The following PTPRD variants were observed in gnomAD, a reference collection of about 807,000 sequenced individuals.
PTPRD encodes the protein protein tyrosine phosphatase receptor type D, also known as receptor-type tyrosine-protein phosphatase delta.
A neutral mutation model predicts 214.5 loss-of-function variants in PTPRD; 34 were observed. That is an observed-to-expected ratio of 0.16 (90% CI 0.12 to 0.21). The LOEUF (loss-of-function observed/expected upper bound fraction) is 0.21, where lower values mean the gene tolerates loss of function less well. PTPRD is among the 10% of genes least tolerant of loss of function. The probability of loss-of-function intolerance (pLI) is 1.00; values close to 1 mark genes in which losing one functional copy is unlikely to be tolerated. For synonymous variants in PTPRD, 1,128 were observed against 845.7 expected, an observed-to-expected ratio of 1.33 and a Z score of -5.79; for missense variants, 2,545 against 2,398.7, an observed-to-expected ratio of 1.06 and a Z score of -1.27.
chr9:10,115,689 A>ATCTGTGTAGC (rs1294080612), intron 3 of PTPRD, among the ~76,000 whole-genome samples: 2 of 152,054 alleles, frequency 1.3e-5, no homozygotes, highest in Non-Finnish European at 2.9e-5. Context: ...TTCACTGTAA[A>ATCTGTGTAGC]TCTGTGTAGC....
chr9:8,950,353 C>T (rs1041123424), intron 11 of PTPRD, among the ~76,000 whole-genome samples: 1 of 151,886 alleles, frequency 6.6e-6, no homozygotes, highest in African/African-American at 2.4e-5. Flanking sequence ...CAACATATTC[C>T]TCACAATTGA....
At chr9:8,587,782 C>T (rs993957034) in intron 14 of PTPRD, among the ~76,000 whole-genome samples, 3 of 152,128 alleles carry the variant, frequency 2.0e-5, no homozygotes, top group African/African-American at 7.2e-5. Flanking sequence ...GAGGAAAACA[C>T]TTAGTAGGAA....
intron 2 of PTPRD, among the ~76,000 whole-genome samples, chr9:10,489,999 G>T (rs77622629): frequency 2.0e-5 from 3 of 152,080 alleles, no homozygotes; most frequent in Admixed American, 6.6e-5. Flanking sequence ...TTATGAAGGC[G>T]CATTGTTTTG....
intron 14 of PTPRD, among the ~76,000 whole-genome samples, chr9:8,538,615 ATG>A (rs1413561269): frequency 2.0e-5 from 3 of 151,372 alleles, no homozygotes; most frequent in Non-Finnish European, 4.4e-5. Context: ...TTAAATATAT[ATG>A]TACACACATA....
intron 3 of PTPRD, among the ~76,000 whole-genome samples, chr9:10,137,661 C>G (rs2098951866): frequency 1.4e-5 from 1 of 73,328 alleles, no homozygotes; most frequent in Admixed American, 1.6e-4. Context: ...TGTAACTAAC[C>G]TGCACAATGT....
intron 3 of PTPRD, among the ~76,000 whole-genome samples, chr9:10,288,960 G>T (rs118165997): frequency 0.08 from 12,175 of 151,646 alleles, 596 homozygotes; most frequent in Non-Finnish European, 0.11. Context: ...CACTCAGTTG[G>T]GAGTATAAGA....
chr9:8,944,345 A>G (rs770199598), intron 11 of PTPRD, among the ~76,000 whole-genome samples: 9 of 152,078 alleles, frequency 5.9e-5, no homozygotes, highest in African/African-American at 9.7e-5. Flanking sequence ...CAGTATGGAG[A>G]TTCCTGAAAA....
At chr9:8,688,448 C>A (rs1193546892) in intron 12 of PTPRD, among the ~76,000 whole-genome samples, 1 of 151,616 alleles carries the variant, frequency 6.6e-6, no homozygotes, top group South Asian at 2.1e-4. Context: ...GCCTGTAGTC[C>A]CAGCTACTCA....
intron 2 of PTPRD, among the ~76,000 whole-genome samples, chr9:10,360,368 T>G (rs1038588898): frequency 1.3e-5 from 2 of 152,242 alleles, no homozygotes; most frequent in Admixed American, 6.5e-5. Context: ...CTCCATTTAT[T>G]TTACTATATC....
chr9:8,742,290 T>C (rs2092116496), intron 11 of PTPRD, among the ~76,000 whole-genome samples: 1 of 152,146 alleles, frequency 6.6e-6, no homozygotes, highest in African/African-American at 2.4e-5. Flanking sequence ...GAAGTATATA[T>C]AGTATACATT....
At chr9:9,212,774 G>C (rs142577437) in intron 9 of PTPRD, among the ~76,000 whole-genome samples, 60 of 152,236 alleles carry the variant, frequency 3.9e-4, no homozygotes, top group Middle Eastern at 3.4e-3. Flanking sequence ...AGAACAGTTG[G>C]TGTGTCACTC....
intron 14 of PTPRD, among the ~76,000 whole-genome samples, chr9:8,580,033 G>T (rs890821430): frequency 1.1e-4 from 17 of 152,130 alleles, no homozygotes; most frequent in African/African-American, 4.1e-4. Context: ...CAAGTTTCCA[G>T]TCATTCCACA....
chr9:8,784,316 T>C (rs937461251), intron 11 of PTPRD, among the ~76,000 whole-genome samples: 6 of 152,370 alleles, frequency 3.9e-5, no homozygotes, highest in African/African-American at 1.4e-4. Flanking sequence ...TTCCCAGTTT[T>C]AAATAAATTT....
rs572745802 is a variant in PTPRD at position 8,451,244 on chromosome 9, T to C, written c.3876-1407A>G. Among the ~76,000 whole-genome samples the C allele has an allele frequency of 1.3e-3, 203 of 152,312 alleles. 2 individuals are homozygous for C. In the Middle Eastern group the frequency reaches 0.02, roughly 15 times the overall value. The stretch of plus-strand genomic sequence containing the variant: ...ATACATTTTCATGGCTAAGTCCTAT[T>C]AGACATGTTGCTTTCTCGGTACCTT... On this transcript the variant is annotated intron_variant, in intron 33 of 45. Coordinates refer to ENST00000381196, the MANE Select transcript of PTPRD (RefSeq NM_002839.4).
At chr9:9,800,174 T>A (rs2099029737) in intron 5 of PTPRD, among the ~76,000 whole-genome samples, 1 of 152,142 alleles carries the variant, frequency 6.6e-6, no homozygotes, top group Non-Finnish European at 1.5e-5. Context: ...CCATTTGTTT[T>A]ATAAAATGTT....
chr9:9,343,899 G>T (rs1050261580), intron 9 of PTPRD, among the ~76,000 whole-genome samples: 4 of 152,084 alleles, frequency 2.6e-5, no homozygotes, highest in African/African-American at 7.2e-5. Context: ...CCAATGAGAA[G>T]AAACAGGTTA....
At chr9:9,246,767 T>C (rs2099973225) in intron 9 of PTPRD, among the ~76,000 whole-genome samples, 1 of 151,972 alleles carries the variant, frequency 6.6e-6, no homozygotes. Context: ...ATTGGTTCCA[T>C]TGCTCATGAG....
At chr9:8,388,735 G>A (rs1220108506) in intron 37 of PTPRD, among the ~76,000 whole-genome samples, 1 of 152,150 alleles carries the variant, frequency 6.6e-6, no homozygotes, top group Non-Finnish European at 1.5e-5. Context: ...CGTGTATTCA[G>A]CCACATCATT....
At chr9:9,446,299 A>G (rs1193123814) in intron 8 of PTPRD, among the ~76,000 whole-genome samples, 2 of 152,136 alleles carry the variant, frequency 1.3e-5, no homozygotes, top group African/African-American at 4.8e-5. Context: ...AGGATTTAAT[A>G]GTGGCCTAAA....
Sources: allele counts gnomAD v4.1 joint callset (sites outside exome capture counted in the v4.1 genomes callset), GRCh38; gene constraint gnomAD v4.1.1; transcripts MANE v1.5; gene names NCBI Gene and HGNC (gene_info 2026-07-23, HGNC 2026-07-21).